Variants in KLHL1 observed in about 807,000 individuals in gnomAD.
KLHL1 encodes kelch like family member 1, also known as kelch-like protein 1.
Under a neutral mutation model 77.7 loss-of-function variants are expected in KLHL1, and 47 were observed. That is an observed-to-expected ratio of 0.60 (90% CI 0.48 to 0.77). The LOEUF (loss-of-function observed/expected upper bound fraction) is 0.77. Among genes scored for constraint, KLHL1 ranks in the 30% least tolerant of loss-of-function variants. KLHL1 has a pLI of 0.00. For missense variants in KLHL1, 925 were observed against 910.8 expected, an observed-to-expected ratio of 1.02 and a Z score of -0.20; for synonymous variants, 360 against 325.2, an observed-to-expected ratio of 1.11 and a Z score of -1.15.
chr13:70,054,879 G>C (rs1886706625), intron 1 of KLHL1, among the ~76,000 whole-genome samples: 1 of 151,540 alleles, frequency 6.6e-6, no homozygotes, highest in Non-Finnish European at 1.5e-5. Flanking sequence ...ACAGTCAGAG[G>C]AGACAAAAGA....
intron 5 of KLHL1, among the ~76,000 whole-genome samples, chr13:69,861,970 TAAAATAAAATAAAATAAAATAAAATA>T (rs1234218149): frequency 7.2e-5 from 5 of 69,374 alleles, no homozygotes; most frequent in African/African-American, 3.4e-4. Context: ...CGTCTCAAAA[TAAAATAAAATAAAATAAAATAAAATA>T]AAATAAAATA....
At chr13:69,723,388 G>T (rs1873154973) in intron 8 of KLHL1, among the ~76,000 whole-genome samples, 1 of 152,060 alleles carries the variant, frequency 6.6e-6, no homozygotes, top group South Asian at 2.1e-4. Context: ...TACCTAATTT[G>T]TTCATTAGAC....
intron 9 of KLHL1, among the ~76,000 whole-genome samples, chr13:69,714,994 C>G (rs1406680592): frequency 6.6e-6 from 1 of 152,110 alleles, no homozygotes; most frequent in East Asian, 1.9e-4. Flanking sequence ...GATAAATTAT[C>G]ATGATGCCAG....
At position 70,017,034 on chromosome 13, in the gene KLHL1, GCTACTCATTTTCATTCT is replaced by G. The variant is rs574409119; in HGVS notation, c.498-41249_498-41233del. Reference sequence around the variant, plus strand: ...ATGGACAACCTGCATGCAGAAAGGAGCTACTCATTTTCATTCTCCTGAGAACTGTTCTGCCGCTCAAT... The same window carrying G: ...ATGGACAACCTGCATGCAGAAAGGAGCCTGAGAACTGTTCTGCCGCTCAAT... On this transcript the variant is annotated intron_variant, in intron 1 of 10. Transcript: ENST00000377844. Among the ~76,000 whole-genome samples, 403 of 152,272 alleles carry G rather than the reference GCTACTCATTTTCATTCT, an allele frequency of 2.6e-3. 2 individuals carry two copies. The highest frequency in any genetic ancestry group is 0.017 in the South Asian group (83 of 4,824).
At position 69,732,068 on chromosome 13, in the gene KLHL1, G is replaced by A. The variant is rs372966159; in HGVS notation, c.1802+8326C>T. On this transcript the variant is annotated intron_variant, in intron 8 of 10. Transcript: ENST00000377844. ...GGTTATAAAGGTGATTGGAAGGAGG[G>A]GAGTCAAATAAAGATATCGTGTAAG... Among the ~76,000 whole-genome samples, 9 of 152,104 alleles carry A rather than the reference G, an allele frequency of 5.9e-5. No individual in the cohort carries two copies. In the East Asian group the frequency reaches 9.7e-4, roughly 16 times the overall value.
intron 4 of KLHL1, among the ~76,000 whole-genome samples, chr13:69,912,709 C>G (rs765984129): frequency 6.6e-6 from 1 of 152,070 alleles, no homozygotes; most frequent in Non-Finnish European, 1.5e-5. Context: ...GCCAAGTCAC[C>G]GCCAGACTCT....
intron 3 of KLHL1, among the ~76,000 whole-genome samples, chr13:69,946,367 C>G (rs1248862030): frequency 6.6e-6 from 1 of 151,780 alleles, no homozygotes; most frequent in Non-Finnish European, 1.5e-5. Flanking sequence ...GAATACTCAA[C>G]TGTATTTTCA....
chr13:70,097,542 AC>A lies in KLHL1; in HGVS notation c.497+9660del, dbSNP rs561022327. On this transcript the variant is annotated intron_variant, in intron 1 of 10. Transcript: ENST00000377844. ...ATAGTCTAGTTGTGTCTCATCCAGCACCCCTTTTCGTCTCAGCCTGCAATGT... is the reference window on the plus strand; with the variant it reads ...ATAGTCTAGTTGTGTCTCATCCAGCACCCTTTTCGTCTCAGCCTGCAATGT... Among the ~76,000 whole-genome samples the A allele has an allele frequency of 3.9e-5, 6 of 151,918 alleles. No homozygotes were observed. In the South Asian group the frequency reaches 1.2e-3, roughly 31 times the overall value.
intron 4 of KLHL1, among the ~76,000 whole-genome samples, chr13:69,932,042 GTA>G (rs138730802): frequency 0.013 from 1,896 of 151,644 alleles, 37 homozygotes; most frequent in African/African-American, 0.042. Flanking sequence ...ATATCTAATT[GTA>G]TATTTCAAAT....
intron 3 of KLHL1, among the ~76,000 whole-genome samples, chr13:69,959,082 G>C (rs900830569): frequency 6.6e-6 from 1 of 151,994 alleles, no homozygotes; most frequent in Non-Finnish European, 1.5e-5. Context: ...AAAAATTTAA[G>C]GTATTGGAGC....
chr13:70,014,723 A>G (rs969122925), intron 1 of KLHL1, among the ~76,000 whole-genome samples: 8 of 152,160 alleles, frequency 5.3e-5, no homozygotes, highest in African/African-American at 1.9e-4. Flanking sequence ...GTAGTATATG[A>G]ATGATGAGAT....
intron 4 of KLHL1, among the ~76,000 whole-genome samples, chr13:69,890,503 T>G (rs1440238720): frequency 6.6e-6 from 1 of 152,066 alleles, no homozygotes; most frequent in Non-Finnish European, 1.5e-5. Flanking sequence ...CACTGCTGAA[T>G]AGCTCTATTA....
At chr13:69,784,881 C>T (rs111505400) in intron 7 of KLHL1, among the ~76,000 whole-genome samples, 23 of 110,946 alleles carry the variant, frequency 2.1e-4, no homozygotes, top group African/African-American at 5.5e-4. Context: ...ACAGAATATA[C>T]ATTTTTTTTT....
At chr13:69,772,557 C>T (rs1875623853) in intron 7 of KLHL1, among the ~76,000 whole-genome samples, 2 of 152,078 alleles carry the variant, frequency 1.3e-5, no homozygotes, top group Non-Finnish European at 1.5e-5. Flanking sequence ...AAACTGTGCC[C>T]CTGTTTTCTA....
At chr13:69,832,929 C>G (rs1379976026) in intron 6 of KLHL1, among the ~76,000 whole-genome samples, 1 of 152,074 alleles carries the variant, frequency 6.6e-6, no homozygotes, top group African/African-American at 2.4e-5. Flanking sequence ...ATCCTCATCT[C>G]TCACTTTATA....
intron 6 of KLHL1, among the ~76,000 whole-genome samples, chr13:69,816,815 G>C (rs759117994): frequency 6.6e-6 from 1 of 151,914 alleles, no homozygotes; most frequent in Non-Finnish European, 1.5e-5. Flanking sequence ...AAAATTAGCC[G>C]AGAGTGGTGG....
At chr13:70,033,579 T>C (rs1886165709) in intron 1 of KLHL1, among the ~76,000 whole-genome samples, 1 of 149,316 alleles carries the variant, frequency 6.7e-6, no homozygotes, top group African/African-American at 2.5e-5. Flanking sequence ...GTGCTGGGAT[T>C]ACAGGTGTGA....
At chr13:69,754,322 A>T (rs1036276500) in intron 7 of KLHL1, among the ~76,000 whole-genome samples, 1 of 152,140 alleles carries the variant, frequency 6.6e-6, no homozygotes, top group Non-Finnish European at 1.5e-5. Flanking sequence ...TTAAAAATGT[A>T]AAGTCCCAAA....
chr13:69,974,819 TTC>T (rs1304100470), intron 2 of KLHL1, among the ~76,000 whole-genome samples: 1 of 152,044 alleles, frequency 6.6e-6, no homozygotes, highest in Non-Finnish European at 1.5e-5. Flanking sequence ...CATTGAATAA[TTC>T]TCTCAATAAT....
Sources: gnomAD v4.1 joint callset for allele counts (sites outside exome capture counted in the v4.1 genomes callset) on GRCh38, gnomAD v4.1.1 for gene constraint, MANE v1.5 for transcripts, NCBI Gene and HGNC (gene_info 2026-07-23, HGNC 2026-07-21) for gene names.